The following IMMP1L variants were observed in gnomAD, a reference collection of about 807,000 sequenced individuals.
The protein encoded by IMMP1L is inner mitochondrial membrane peptidase subunit 1.
IMMP1L carries 24 observed loss-of-function variants against 21.8 expected under a neutral mutation model. The ratio of observed to expected loss-of-function variants is 1.10; its 90% confidence interval spans 0.80 to 1.55. The LOEUF is 1.55. Among genes scored for constraint, IMMP1L ranks in the 40% most tolerant of loss-of-function variants. IMMP1L has a pLI of 0.00. For missense variants in IMMP1L, 195 were observed against 200.7 expected (o/e 0.97, Z 0.17); for synonymous variants, 46 against 62.8 (o/e 0.73, Z 1.26).
chr11:31,485,532 C>T (rs1390659463), intron 1 of IMMP1L, among the ~76,000 whole-genome samples: 2 of 151,758 alleles, frequency 1.3e-5, no homozygotes, highest in Admixed American at 6.6e-5. Context: ...GTTGCTGATA[C>T]CAAAATGAAT....
At position 31,456,292 on chromosome 11, in the gene IMMP1L, T is replaced by A; in HGVS notation, c.289A>T (p.Ser97Cys). 1 of 1,605,892 alleles carries A rather than the reference T, an allele frequency of 6.2e-7. No individual in the cohort carries two copies. Among genetic ancestry groups the A allele is most frequent in the South Asian group, 1.1e-5 (1 of 90,392 alleles). Residue 97 changes from serine (S) to cysteine (C), a missense_variant, in exon 4 of 6, where the codon AGT (serine) becomes TGT (cysteine). Physicochemically the swap from Ser to Cys is moderately radical, Grantham distance 112. Transcript: ENST00000532287. The part of the protein sequence containing the change: ...GLEGDKILTT[S>C]PSDFFKSHSY... ...TGGCTTTTAAAGAAATCTGATGGAC[T>A]AGTGGTGAGGATTTTGTCTCCTTCC...
intron 1 of IMMP1L, among the ~76,000 whole-genome samples, chr11:31,507,506 T>C (rs910257651): frequency 6.6e-6 from 1 of 152,128 alleles, no homozygotes; most frequent in Non-Finnish European, 1.5e-5. Context: ...AACAAGGGAA[T>C]ATGTAATACA....
chr11:31,478,601 G>A (rs1465783889), intron 1 of IMMP1L, among the ~76,000 whole-genome samples: 2 of 152,146 alleles, frequency 1.3e-5, no homozygotes, highest in East Asian at 1.9e-4. Flanking sequence ...CAATAAAAAT[G>A]TGAGTCCAAG....
intron 1 of IMMP1L, among the ~76,000 whole-genome samples, chr11:31,506,382 C>A (rs953438539): frequency 4.0e-5 from 6 of 151,836 alleles, no homozygotes; most frequent in Non-Finnish European, 8.8e-5. Context: ...AAGCCCGCCA[C>A]CATGCCCAGC....
At chr11:31,457,251 A>G (rs1432176260) in intron 3 of IMMP1L, among the ~76,000 whole-genome samples, 3 of 152,146 alleles carry the variant, frequency 2.0e-5, no homozygotes, top group African/African-American at 7.2e-5. Flanking sequence ...TATAAAACCA[A>G]TAAGGGTCTG....
In IMMP1L at chr11:31,492,461, C is replaced by A. The variant is rs182779220; in HGVS notation, c.-30+17058G>T. Among the ~76,000 whole-genome samples, 18 of 152,280 alleles carry A rather than the reference C, an allele frequency of 1.2e-4. No homozygotes were observed. The East Asian group carries it at 3.3e-3, about 28-fold the overall frequency. On this transcript the variant is annotated intron_variant, in intron 1 of 5. Coordinates refer to ENST00000532287, the MANE Select transcript of IMMP1L (RefSeq NM_001304274.2). ...CTCCATATGAGTAATAAGGTCATTTCTCTTTCTTAACATTCATGAGTTTAT... is the reference window on the plus strand; with the variant it reads ...CTCCATATGAGTAATAAGGTCATTTATCTTTCTTAACATTCATGAGTTTAT...
chr11:31,470,058 C>G (rs1433298851), intron 1 of IMMP1L, among the ~76,000 whole-genome samples: 1 of 152,072 alleles, frequency 6.6e-6, no homozygotes, highest in East Asian at 1.9e-4. Context: ...TTTGCCAGCA[C>G]AACTGTAATA....
intron 1 of IMMP1L, among the ~76,000 whole-genome samples, chr11:31,469,342 C>G (rs1268904497): frequency 6.6e-6 from 1 of 151,836 alleles, no homozygotes; most frequent in Non-Finnish European, 1.5e-5. Flanking sequence ...TTTAAAATAA[C>G]TATGATTAAC....
intron 4 of IMMP1L, among the ~76,000 whole-genome samples, chr11:31,454,728 T>C (rs957839979): frequency 2.0e-5 from 3 of 152,220 alleles, no homozygotes; most frequent in Non-Finnish European, 4.4e-5. Flanking sequence ...TCTGATTACT[T>C]AGCAAAGACT....
intron 1 of IMMP1L, among the ~76,000 whole-genome samples, chr11:31,484,528 C>G (rs1355107835): frequency 6.6e-6 from 1 of 151,828 alleles, no homozygotes; most frequent in Non-Finnish European, 1.5e-5. Context: ...CCTATAGACA[C>G]TAAGGAATTT....
intron 1 of IMMP1L, among the ~76,000 whole-genome samples, chr11:31,471,045 C>G (rs905080812): frequency 6.6e-6 from 1 of 152,172 alleles, no homozygotes; most frequent in Non-Finnish European, 1.5e-5. Flanking sequence ...TTCTACTGTT[C>G]TATTGCACTG....
intron 4 of IMMP1L, among the ~76,000 whole-genome samples, chr11:31,455,554 T>A (rs1003893500): frequency 2.0e-5 from 3 of 152,202 alleles, no homozygotes; most frequent in Non-Finnish European, 4.4e-5. Context: ...ATTTCGATTA[T>A]CAAAATTTAA....
intron 1 of IMMP1L, among the ~76,000 whole-genome samples, chr11:31,491,479 T>C (rs1407356051): frequency 2.0e-5 from 3 of 152,244 alleles, no homozygotes; most frequent in Non-Finnish European, 2.9e-5. Flanking sequence ...TTCTACTATG[T>C]GGCAAAACGT....
intron 1 of IMMP1L, among the ~76,000 whole-genome samples, chr11:31,481,417 C>G (rs982791103): frequency 2.0e-5 from 3 of 151,964 alleles, no homozygotes; most frequent in African/African-American, 4.8e-5. Flanking sequence ...TGAAAAATAT[C>G]TAAATGCTTA....
intron 1 of IMMP1L, among the ~76,000 whole-genome samples, chr11:31,479,621 A>G (rs1346520214): frequency 6.6e-6 from 1 of 152,072 alleles, no homozygotes; most frequent in Non-Finnish European, 1.5e-5. Context: ...GATGTACTAT[A>G]AGTATTAAAC....
intron 1 of IMMP1L, among the ~76,000 whole-genome samples, chr11:31,505,112 G>A (rs1433348209): frequency 6.6e-6 from 1 of 152,080 alleles, no homozygotes; most frequent in African/African-American, 2.4e-5. Flanking sequence ...TGGACTCCAG[G>A]GCTAGTGAAG....
chr11:31,433,689 G>T (rs1953004448), intron 4 of IMMP1L, 119 bp from the exon 5 acceptor site: 2 of 481,132 alleles, frequency 4.2e-6, no homozygotes, highest in African/African-American at 2.0e-5. Flanking sequence ...TTATAGAATA[G>T]ATACAAATCC....
At chr11:31,487,827 A>C (rs1267133381) in intron 1 of IMMP1L, among the ~76,000 whole-genome samples, 1 of 152,156 alleles carries the variant, frequency 6.6e-6, no homozygotes, top group African/African-American at 2.4e-5. Context: ...CTCAACAGGA[A>C]GCAGACAATG....
intron 1 of IMMP1L, among the ~76,000 whole-genome samples, chr11:31,497,326 A>C (rs1327407554): frequency 6.6e-6 from 1 of 152,140 alleles, no homozygotes; most frequent in Non-Finnish European, 1.5e-5. Context: ...TATTAACAAG[A>C]ATATAGTATG....
Sources: gnomAD v4.1 joint callset for allele counts (sites outside exome capture counted in the v4.1 genomes callset) on GRCh38, gnomAD v4.1.1 for gene constraint, MANE v1.5 for transcripts, NCBI Gene and HGNC (gene_info 2026-07-23, HGNC 2026-07-21) for gene names.